COL6A6: variants seen among roughly 807,000 people sequenced by gnomAD.
COL6A6 encodes the protein collagen alpha-6(VI) chain.
COL6A6 carries 183 observed loss-of-function variants against 208.6 expected under a neutral mutation model. That is an observed-to-expected ratio of 0.88 (90% CI 0.78 to 0.99). The LOEUF is 0.99. COL6A6 is among the 50% of genes least tolerant of loss of function. The pLI is 0.00. For missense variants in COL6A6, 2,816 were observed against 2,815.2 expected (o/e 1.00, Z -0.01); for synonymous variants, 973 against 1,011.8 (o/e 0.96, Z 0.73).
At chr3:130,654,982 G>A (rs967386061) in intron 33 of COL6A6, among the ~76,000 whole-genome samples, 3 of 152,090 alleles carry the variant, frequency 2.0e-5, no homozygotes, top group Non-Finnish European at 2.9e-5. Flanking sequence ...AGTGGTTGGT[G>A]GGTTCAGGTG....
chr3:130,517,903 T>C (rs899340184), intron 1 of COL6A6, among the ~76,000 whole-genome samples: 2 of 152,234 alleles, frequency 1.3e-5, no homozygotes, highest in Non-Finnish European at 2.9e-5. Flanking sequence ...GGTTGGACTT[T>C]TACTGCTGTC....
intron 10 of COL6A6, 79 bp downstream of exon 10, chr3:130,582,147 C>A: frequency 2.2e-6 from 2 of 905,370 alleles, no homozygotes; most frequent in Non-Finnish European, 3.4e-6. Flanking sequence ...CTTAAATTTC[C>A]AGGCTCTTAA....
Position 130,581,671 on chromosome 3 carries a change from G to A in COL6A6, c.3658G>A (p.Ala1220Thr). The A allele has an allele frequency of 6.2e-7, 1 of 1,613,906 alleles. No individual in the cohort carries two copies. Residue 1220 changes from alanine (A) to threonine (T), a missense_variant, in exon 9 of 37, where the codon GCC becomes ACC. Coordinates refer to ENST00000358511, the MANE Select transcript of COL6A6 (RefSeq NM_001102608.3). ...METYLQDILR[A>T]ISSLNGVSCE... Reference sequence around the variant, plus strand: ...AACCTACCTTCAAGACATCTTACGTGCCATCAGCTCCCTCAATGGAGTAAG... The same window carrying A: ...AACCTACCTTCAAGACATCTTACGTACCATCAGCTCCCTCAATGGAGTAAG...
In COL6A6 at chr3:130,592,953, T is replaced by G. The variant is rs1214230924; in HGVS notation, c.4372-108T>G. The G allele has an allele frequency of 4.8e-6, 5 of 1,048,950 alleles. No individual in the cohort carries two copies. The African/African-American group carries it at 8.0e-5, about 17-fold the overall frequency. 65.0% of individuals were successfully genotyped at this position (1,048,950 alleles called of 1,614,324 possible). A position where few individuals can be genotyped will look rare whatever the true frequency, so the allele number is the denominator to read the frequency against. ...TAATATTAATAACCCAGGCCCAGCCTCACAAGGAGGCTGTATGTGAAACAC... is the reference window on the plus strand; with the variant it reads ...TAATATTAATAACCCAGGCCCAGCCGCACAAGGAGGCTGTATGTGAAACAC... On this transcript the variant is annotated intron_variant, in intron 15 of 36. Coordinates refer to ENST00000358511, the MANE Select transcript of COL6A6 (RefSeq NM_001102608.3).
intron 1 of COL6A6, among the ~76,000 whole-genome samples, chr3:130,538,441 G>A (rs1464871941): frequency 1.3e-5 from 2 of 152,078 alleles, no homozygotes; most frequent in Non-Finnish European, 2.9e-5. Flanking sequence ...TTGTAAAGAT[G>A]GCAACAAAAA....
intron 8 of COL6A6, among the ~76,000 whole-genome samples, chr3:130,576,878 G>A (rs544386921): frequency 1.7e-4 from 26 of 152,282 alleles, no homozygotes; most frequent in Non-Finnish European, 2.5e-4. Flanking sequence ...GCTGGGTATG[G>A]TTCAAAACAA....
At chr3:130,524,520 A>G (rs914810916) in intron 1 of COL6A6, among the ~76,000 whole-genome samples, 5 of 152,232 alleles carry the variant, frequency 3.3e-5, no homozygotes, top group Non-Finnish European at 7.3e-5. Flanking sequence ...GGTGTTGTCT[A>G]TGTTGGAGTC....
intron 29 of COL6A6, among the ~76,000 whole-genome samples, chr3:130,642,007 TAATA>T (rs1318573718): frequency 2.0e-5 from 3 of 152,208 alleles, no homozygotes; most frequent in East Asian, 1.9e-4. Context: ...TTTCTATATG[TAATA>T]AATGATCATT....
chr3:130,600,263 G>T (rs1325695852), intron 20 of COL6A6, among the ~76,000 whole-genome samples: 2 of 152,196 alleles, frequency 1.3e-5, no homozygotes, highest in Non-Finnish European at 2.9e-5. Flanking sequence ...TTACACTGTT[G>T]GTGGGAATGT....
intron 1 of COL6A6, among the ~76,000 whole-genome samples, chr3:130,519,680 C>T (rs1710953293): frequency 6.6e-6 from 1 of 152,174 alleles, no homozygotes; most frequent in African/African-American, 2.4e-5. Context: ...TCACCTGTCA[C>T]ATAGGGCAGT....
chr3:130,597,720 G>A (rs1458298218), intron 18 of COL6A6, among the ~76,000 whole-genome samples: 1 of 152,216 alleles, frequency 6.6e-6, no homozygotes, highest in Non-Finnish European at 1.5e-5. Flanking sequence ...TATGCTTGTT[G>A]TCAGTGAGTT....
intron 1 of COL6A6, among the ~76,000 whole-genome samples, chr3:130,528,745 A>G (rs2107691590): frequency 6.6e-6 from 1 of 152,312 alleles, no homozygotes; most frequent in Non-Finnish European, 1.5e-5. Context: ...ATTTCAGATC[A>G]ATAAAATCAG....
chr3:130,610,822 A>T, intron 23 of COL6A6, 111 bp downstream of exon 23: 1 of 755,758 alleles, frequency 1.3e-6, no homozygotes, highest in South Asian at 1.8e-5. Flanking sequence ...AGGAACGTGT[A>T]TTAGGTTTCA....
At chr3:130,667,034 T>C (rs1365987253) in intron 36 of COL6A6, among the ~76,000 whole-genome samples, 1 of 152,200 alleles carries the variant, frequency 6.6e-6, no homozygotes, top group African/African-American at 2.4e-5. Context: ...ATAACTTTAG[T>C]GGAAGAAAAT....
At chr3:130,638,710 C>A (rs2403315) in intron 28 of COL6A6, among the ~76,000 whole-genome samples, 1 of 67,192 alleles carries the variant, frequency 1.5e-5, no homozygotes, top group Non-Finnish European at 2.3e-5. Flanking sequence ...TTGGATATTC[C>A]AACAGTTCTG....
intron 33 of COL6A6, among the ~76,000 whole-genome samples, chr3:130,657,121 G>T (rs1183358779): frequency 6.6e-6 from 1 of 152,270 alleles, no homozygotes; most frequent in East Asian, 1.9e-4. Flanking sequence ...GCCACAGCTG[G>T]ATGGCCGCAG....
At chr3:130,533,359 C>T (rs1408533901) in intron 1 of COL6A6, among the ~76,000 whole-genome samples, 1 of 151,944 alleles carries the variant, frequency 6.6e-6, no homozygotes, top group Non-Finnish European at 1.5e-5. Flanking sequence ...ACTTACCCTC[C>T]AACCCTCTAC....
intron 11 of COL6A6, 53 bp from the exon 12 acceptor site, chr3:130,589,037 A>G: frequency 1.4e-6 from 2 of 1,384,930 alleles, no homozygotes. Context: ...CTTGTATATG[A>G]GATTTGGGAA....
At position 130,586,571 on chromosome 3, in the gene COL6A6, C is replaced by A. The variant is rs191454120; in HGVS notation, c.4036C>A (p.Pro1346Thr). The A allele has an allele frequency of 3.2e-5, 51 of 1,613,936 alleles. No homozygotes were observed. The highest frequency in any genetic ancestry group is 4.0e-5 in the Non-Finnish European group (47 of 1,179,854). Residue 1346 changes from proline to threonine, a missense_variant, in exon 11 of 37, where the codon CCC (proline) becomes ACC (threonine). Physicochemically the swap from Pro to Thr is conservative, Grantham distance 38. Coordinates refer to ENST00000358511, the MANE Select transcript of COL6A6 (RefSeq NM_001102608.3). ...TGATTCAAGTGACTTGGCTGATCTT[C>A]CCTATATTGAATTTGGGAAAGGATT... ...PADSSDLADL[P>T]YIEFGKGFEY...
Sources: allele counts gnomAD v4.1 joint callset (sites outside exome capture counted in the v4.1 genomes callset), GRCh38; gene constraint gnomAD v4.1.1; transcripts MANE v1.5; gene names NCBI Gene and HGNC (gene_info 2026-07-23, HGNC 2026-07-21).